Variants in PACRG observed in about 807,000 individuals in gnomAD.
PACRG encodes the protein parkin coregulated gene protein.
Under a neutral mutation model 29.7 loss-of-function variants are expected in PACRG, and 29 were observed. That is an observed-to-expected ratio of 0.98 (90% CI 0.73 to 1.33). The LOEUF is 1.33. Among genes scored for constraint, PACRG ranks in the 40% most tolerant of loss-of-function variants. PACRG has a pLI of 0.00. For missense variants in PACRG, 279 were observed against 316.2 expected, an observed-to-expected ratio of 0.88 and a Z score of 0.89; for synonymous variants, 116 against 118.7, an observed-to-expected ratio of 0.98 and a Z score of 0.15.
At chr6:163,082,078 T>C (rs1175852450) in intron 3 of PACRG, among the ~76,000 whole-genome samples, 1 of 152,182 alleles carries the variant, frequency 6.6e-6, no homozygotes, top group Non-Finnish European at 1.5e-5. Flanking sequence ...AGTAAGTATA[T>C]AAAAGTCATA....
Position 163,315,101 on chromosome 6 carries a change from A to ATTTTAGCAGCTGTAG in PACRG, c.*114_*115insTTTTAGCAGCTGTAG. 1 of 1,284,842 alleles carries ATTTTAGCAGCTGTAG rather than the reference A, an allele frequency of 7.8e-7. No homozygotes were observed. Among genetic ancestry groups the ATTTTAGCAGCTGTAG allele is most frequent in the Non-Finnish European group, 1.1e-6 (1 of 929,446 alleles). 79.6% of individuals were successfully genotyped at this position (1,284,842 alleles called of 1,614,324 possible). ...CACAGCTTTCTTTTCTACAGCTGCTAAAATAGTGGCTTATGGGCCATTGGA... is the reference window on the plus strand; with the variant it reads ...CACAGCTTTCTTTTCTACAGCTGCTATTTTAGCAGCTGTAGAAATAGTGGCTTATGGGCCATTGGA... On this transcript the variant is annotated 3_prime_UTR_variant, in exon 5 of 5. Transcript: ENST00000366888.
chr6:163,259,874 A>G (rs945152939), intron 4 of PACRG, among the ~76,000 whole-genome samples: 3 of 152,088 alleles, frequency 2.0e-5, no homozygotes, highest in African/African-American at 7.2e-5. Flanking sequence ...AGGCTGAGGG[A>G]TGAGGGGCGG....
intron 2 of PACRG, among the ~76,000 whole-genome samples, chr6:162,851,997 GA>G (rs1790913435): frequency 1.6e-5 from 1 of 60,914 alleles, no homozygotes. Flanking sequence ...GGGAGGGAGG[GA>G]GGGAGGGAGG....
chr6:163,290,266 A>T (rs1029733248), intron 4 of PACRG, among the ~76,000 whole-genome samples: 1 of 120,514 alleles, frequency 8.3e-6, no homozygotes, highest in Non-Finnish European at 1.8e-5. Flanking sequence ...GTGCGCATGC[A>T]CGCGCGCGCG....
At chr6:162,832,022 C>T (rs1188424368) in intron 2 of PACRG, among the ~76,000 whole-genome samples, 1 of 152,000 alleles carries the variant, frequency 6.6e-6, no homozygotes, top group African/African-American at 2.4e-5. Flanking sequence ...GTGTATATAC[C>T]CAGGAATGGG....
intron 2 of PACRG, among the ~76,000 whole-genome samples, chr6:162,982,985 C>T (rs1802559278): frequency 1.3e-5 from 2 of 151,858 alleles, no homozygotes; most frequent in Admixed American, 6.6e-5. Flanking sequence ...TTGGGAGTTC[C>T]AGTGTTAGGT....
At chr6:162,924,619 CT>C (rs1263809273) in intron 2 of PACRG, among the ~76,000 whole-genome samples, 4 of 151,630 alleles carry the variant, frequency 2.6e-5, no homozygotes, top group South Asian at 4.2e-4. Context: ...TTATTAAATG[CT>C]TTTTTTTCTG....
Position 163,287,358 on chromosome 6 carries a change from C to A in PACRG, c.614-27469C>A, listed in dbSNP as rs762549586. Among the ~76,000 whole-genome samples the A allele has an allele frequency of 2.3e-4, 35 of 152,320 alleles. No homozygotes were observed. In the Middle Eastern group the frequency reaches 0.01, roughly 44 times the overall value. ...TTACAGAAGGGAAAGGGACCCCTCA[C>A]CAGGAAGAGCCAGTTTCCCAACCCC... is the stretch of plus-strand genomic sequence containing the variant. On this transcript the variant is annotated intron_variant, in intron 4 of 4. Transcript: ENST00000366888.
intron 2 of PACRG, among the ~76,000 whole-genome samples, chr6:162,985,294 C>T (rs1286770569): frequency 6.6e-5 from 10 of 151,888 alleles, no homozygotes; most frequent in South Asian, 4.1e-4. Context: ...AACATAGACA[C>T]GAAAATCCTC....
intron 4 of PACRG, among the ~76,000 whole-genome samples, chr6:163,216,788 TTTAA>T (rs1203183962): frequency 6.6e-6 from 1 of 152,190 alleles, no homozygotes; most frequent in Non-Finnish European, 1.5e-5. Context: ...TCCAATTTAT[TTTAA>T]TTATTTATAT....
chr6:163,302,975 A>G (rs1455488267), intron 4 of PACRG, among the ~76,000 whole-genome samples: 2 of 152,182 alleles, frequency 1.3e-5, no homozygotes, highest in Non-Finnish European at 2.9e-5. Flanking sequence ...CTAAGTTCTG[A>G]GTTCATCATT....
chr6:163,292,576 T>TTATTTATTTATG (rs1784652611), intron 4 of PACRG, among the ~76,000 whole-genome samples: 1 of 69,902 alleles, frequency 1.4e-5, no homozygotes, highest in African/African-American at 6.2e-5. Context: ...AATTTATGTA[T>TTATTTATTTATG]TATTTATTTA....
intron 4 of PACRG, among the ~76,000 whole-genome samples, chr6:163,171,468 A>T (rs1333848493): frequency 1.3e-5 from 2 of 152,112 alleles, no homozygotes; most frequent in African/African-American, 2.4e-5. Flanking sequence ...CATTTTACAG[A>T]TGAGGAAGCT....
chr6:163,254,544 G>A (rs547297990), intron 4 of PACRG, among the ~76,000 whole-genome samples: 1 of 152,202 alleles, frequency 6.6e-6, no homozygotes, highest in Admixed American at 6.5e-5. Flanking sequence ...TCTTCAGCTC[G>A]CGAGTGGGCT....
At chr6:162,812,347 C>T (rs543659365) in intron 1 of PACRG, among the ~76,000 whole-genome samples, 2 of 152,100 alleles carry the variant, frequency 1.3e-5, no homozygotes, top group East Asian at 1.9e-4. Flanking sequence ...TTTTGCTGAC[C>T]AGTAATCAGT....
chr6:162,865,350 G>A (rs1792207755), intron 2 of PACRG, among the ~76,000 whole-genome samples: 1 of 152,164 alleles, frequency 6.6e-6, no homozygotes, highest in Non-Finnish European at 1.5e-5. Flanking sequence ...GACTATGATA[G>A]TCTTGCTGTA....
At chr6:162,861,891 T>A (rs1791890632) in intron 2 of PACRG, among the ~76,000 whole-genome samples, 1 of 152,084 alleles carries the variant, frequency 6.6e-6, no homozygotes, top group Admixed American at 6.6e-5. Context: ...ACTAAGGGAG[T>A]CTGCACAGAG....
At chr6:163,024,410 C>A (rs755274067) in intron 2 of PACRG, among the ~76,000 whole-genome samples, 1 of 152,082 alleles carries the variant, frequency 6.6e-6, no homozygotes, top group Non-Finnish European at 1.5e-5. Context: ...TTTATGAGTT[C>A]TCTCTTCTGT....
At chr6:163,108,608 C>G (rs576534027) in intron 4 of PACRG, among the ~76,000 whole-genome samples, 1 of 151,714 alleles carries the variant, frequency 6.6e-6, no homozygotes, top group African/African-American at 2.4e-5. Context: ...ATGTTGGTCT[C>G]GAACTCCTGG....
Sources: allele counts gnomAD v4.1 joint callset (sites outside exome capture counted in the v4.1 genomes callset), GRCh38; gene constraint gnomAD v4.1.1; transcripts MANE v1.5; gene names NCBI Gene and HGNC (gene_info 2026-07-23, HGNC 2026-07-21).